Variants in GRIA4 observed in about 807,000 individuals in gnomAD.
GRIA4 encodes the protein glutamate ionotropic receptor AMPA type subunit 4.
GRIA4 carries 34 observed loss-of-function variants against 104.0 expected under a neutral mutation model. The observed-to-expected ratio is 0.33, with a 90% CI of 0.25 to 0.44. The LOEUF (loss-of-function observed/expected upper bound fraction) is 0.44. Ranked by LOEUF, GRIA4 falls within the 20% of genes least tolerant of loss-of-function variation. The pLI is 1.00. For missense variants in GRIA4, 750 were observed against 1,096.5 expected (o/e 0.68, Z 4.46); for synonymous variants, 386 against 381.9 (o/e 1.01, Z -0.13).
chr11:105,947,764 A>G (rs1246078763), intron 14 of GRIA4, among the ~76,000 whole-genome samples: 2 of 152,358 alleles, frequency 1.3e-5, no homozygotes, highest in African/African-American at 2.4e-5. Flanking sequence ...ATTAACACCA[A>G]TAGAAGCAAA....
At chr11:105,965,873 A>G in intron 14 of GRIA4, 1 of 1,023,594 alleles carries the variant, frequency 9.8e-7, no homozygotes, top group Admixed American at 2.0e-5. Context: ...GCTTATAAAG[A>G]GCTTAAGTCC....
At chr11:105,892,452 C>G (rs779210314) in intron 6 of GRIA4, among the ~76,000 whole-genome samples, 2 of 152,018 alleles carry the variant, frequency 1.3e-5, no homozygotes, top group Non-Finnish European at 2.9e-5. Flanking sequence ...GAACCTATTT[C>G]TTACCTATCC....
At chr11:105,978,272 G>A (rs1859093166) in intron 16 of GRIA4, among the ~76,000 whole-genome samples, 1 of 151,956 alleles carries the variant, frequency 6.6e-6, no homozygotes, top group Admixed American at 6.6e-5. Flanking sequence ...AGATAATCAA[G>A]TAGAAGTGTT....
intron 11 of GRIA4, among the ~76,000 whole-genome samples, chr11:105,922,901 T>C (rs1448784752): frequency 1.3e-5 from 2 of 152,172 alleles, no homozygotes; most frequent in Non-Finnish European, 2.9e-5. Context: ...ACTATATACA[T>C]AATGATAGCT....
At chr11:105,967,267 C>T (rs948441885) in intron 14 of GRIA4, among the ~76,000 whole-genome samples, 5 of 151,938 alleles carry the variant, frequency 3.3e-5, no homozygotes, top group South Asian at 2.1e-4. Flanking sequence ...CCCATTTTAG[C>T]GTGCATTAAA....
At chr11:105,610,718 T>A (rs1029280915) in intron 1 of GRIA4, 190 bp from the exon 2 acceptor site, 1 of 388,268 alleles carries the variant, frequency 2.6e-6, no homozygotes, top group Non-Finnish European at 4.7e-6. Flanking sequence ...CTTTTGCATG[T>A]GCAACATTTG....
At chr11:105,640,852 CTT>C (rs962796494) in intron 3 of GRIA4, among the ~76,000 whole-genome samples, 1 of 151,960 alleles carries the variant, frequency 6.6e-6, no homozygotes, top group African/African-American at 2.4e-5. Context: ...GTTTGGCTCT[CTT>C]TTTAATATGT....
At chr11:105,849,543 G>A (rs983199420) in intron 4 of GRIA4, among the ~76,000 whole-genome samples, 4 of 152,184 alleles carry the variant, frequency 2.6e-5, no homozygotes, top group Admixed American at 6.5e-5. Flanking sequence ...TGGCAATGAC[G>A]CTGAACTACC....
At chr11:105,922,682 G>C (rs1438107224) in intron 11 of GRIA4, among the ~76,000 whole-genome samples, 1 of 152,004 alleles carries the variant, frequency 6.6e-6, no homozygotes, top group Non-Finnish European at 1.5e-5. Flanking sequence ...AAAAAGAATT[G>C]TAAGATATAA....
At chr11:105,947,020 A>C (rs150306512) in intron 14 of GRIA4, among the ~76,000 whole-genome samples, 2 of 152,314 alleles carry the variant, frequency 1.3e-5, no homozygotes, top group East Asian at 3.9e-4. Flanking sequence ...TTTTTGTTAG[A>C]GGTTATTGTT....
At chr11:105,694,079 T>C (rs1419137790) in intron 3 of GRIA4, among the ~76,000 whole-genome samples, 2 of 152,134 alleles carry the variant, frequency 1.3e-5, no homozygotes, top group Non-Finnish European at 2.9e-5. Context: ...TTATTTTGAA[T>C]AGGTAAACTA....
chr11:105,758,348 C>T (rs185898165), intron 4 of GRIA4, among the ~76,000 whole-genome samples: 1 of 152,174 alleles, frequency 6.6e-6, no homozygotes, highest in East Asian at 1.9e-4. Flanking sequence ...GAACATGTTC[C>T]TTAAAAATCT....
At chr11:105,788,131 A>G (rs1179861836) in intron 4 of GRIA4, among the ~76,000 whole-genome samples, 1 of 152,200 alleles carries the variant, frequency 6.6e-6, no homozygotes, top group Admixed American at 6.6e-5. Flanking sequence ...TATTTGCAAT[A>G]TGCTGTATTA....
rs138241726 is a variant in GRIA4, at chr11:105,743,167, A to C, written c.248-9814A>C. ...ATCATTTATCCCTGAGGTATTTTAA[A>C]TGTGATTTCATTCAAAAATAGAAGT... On this transcript the variant is annotated intron_variant, in intron 3 of 16. Transcript: ENST00000282499. 3.3e-5 allele frequency among the ~76,000 whole-genome samples: 5 copies of C among 152,258 alleles called. No homozygotes were observed. The East Asian group carries it at 9.7e-4, about 29-fold the overall frequency.
Position 105,912,896 on chromosome 11 carries a change from A to G in GRIA4, c.1269+2351A>G, listed in dbSNP as rs367634012. 27 of 979,904 alleles carry G rather than the reference A, an allele frequency of 2.8e-5. No homozygotes were observed. The African/African-American group carries it at 4.4e-4, about 16-fold the overall frequency. The allele number at this position is 979,904 out of a possible 1,614,324, so 60.7% of individuals were successfully genotyped here. ...CCCCAGATTCAGCTGAAAACTCCCA[A>G]CACAGATGGAATTGGCTAGACATTT... On this transcript the variant is annotated intron_variant, in intron 10 of 16. Transcript: ENST00000282499.
chr11:105,887,778 G>A (rs1319785336), intron 6 of GRIA4, among the ~76,000 whole-genome samples: 1 of 152,112 alleles, frequency 6.6e-6, no homozygotes, highest in African/African-American at 2.4e-5. Context: ...ATCTGCTAAA[G>A]AGACCTTTAA....
intron 3 of GRIA4, among the ~76,000 whole-genome samples, chr11:105,731,793 C>T (rs1297150212): frequency 7.2e-5 from 11 of 152,040 alleles, no homozygotes; most frequent in East Asian, 1.9e-4. Flanking sequence ...AACCAAACCC[C>T]GCATGTTCTC....
At chr11:105,912,638 G>C (rs192119514) in intron 10 of GRIA4, 24 of 659,030 alleles carry the variant, frequency 3.6e-5, no homozygotes, top group Admixed American at 1.3e-4. Context: ...TATAATACTA[G>C]TATCTTTTTG....
intron 14 of GRIA4, among the ~76,000 whole-genome samples, chr11:105,948,696 C>T (rs1179045899): frequency 6.7e-6 from 1 of 149,808 alleles, no homozygotes; most frequent in East Asian, 2.0e-4. Flanking sequence ...ACCTCCGCCT[C>T]CCGGGTGCAA....
Sources: allele counts gnomAD v4.1 joint callset (sites outside exome capture counted in the v4.1 genomes callset), GRCh38; gene constraint gnomAD v4.1.1; transcripts MANE v1.5; gene names NCBI Gene and HGNC (gene_info 2026-07-23, HGNC 2026-07-21).